The following TNFSF10 variants were observed in gnomAD, a reference collection of about 807,000 sequenced individuals.
The protein encoded by TNFSF10 is TNF superfamily member 10.
A neutral mutation model predicts 29.5 loss-of-function variants in TNFSF10; 13 were observed. That is an observed-to-expected ratio of 0.44 (90% CI 0.29 to 0.70). The LOEUF (loss-of-function observed/expected upper bound fraction) is 0.70. Ranked by LOEUF, TNFSF10 falls within the 30% of genes least tolerant of loss-of-function variation. The probability of loss-of-function intolerance (pLI) is 0.13; values close to 1 mark genes in which losing one functional copy is unlikely to be tolerated. For synonymous variants in TNFSF10, 111 were observed against 112.8 expected (o/e 0.98, Z 0.10); for missense variants, 345 against 330.9 (o/e 1.04, Z -0.33).
intron 1 of TNFSF10, chr3:172,522,174 GT>G: frequency 2.8e-6 from 1 of 362,066 alleles, no homozygotes; most frequent in Admixed American, 3.9e-5. Flanking sequence ...AAACCTGCAC[GT>G]TCTGTACACG....
intron 1 of TNFSF10, among the ~76,000 whole-genome samples, chr3:172,515,212 T>C (rs895184912): frequency 3.3e-5 from 5 of 151,916 alleles, no homozygotes; most frequent in Admixed American, 1.3e-4. Flanking sequence ...GTGGAAAGGA[T>C]GCAGGTGTGC....
chr3:172,521,168 G>A (rs989569047), intron 1 of TNFSF10, among the ~76,000 whole-genome samples: 1 of 152,118 alleles, frequency 6.6e-6, no homozygotes, highest in African/African-American at 2.4e-5. Context: ...AACACCAAAA[G>A]CAATTGCAAC....
chr3:172,509,818 A>G (rs1249676160), intron 3 of TNFSF10, among the ~76,000 whole-genome samples: 1 of 152,054 alleles, frequency 6.6e-6, no homozygotes, highest in African/African-American at 2.4e-5. Flanking sequence ...CTCTACTAAA[A>G]ATACAAAAAA....
At chr3:172,520,140 A>G (rs1713620520) in intron 1 of TNFSF10, among the ~76,000 whole-genome samples, 1 of 152,270 alleles carries the variant, frequency 6.6e-6, no homozygotes, top group Non-Finnish European at 1.5e-5. Context: ...ATTAAAATAT[A>G]TATTAGAAGT....
At chr3:172,514,735 G>A in intron 2 of TNFSF10, 126 bp downstream of exon 2, 1 of 1,300,840 alleles carries the variant, frequency 7.7e-7, no homozygotes, top group South Asian at 1.5e-5. Context: ...TAAATACTCT[G>A]GGCCTAAGTT....
rs1371482525 is a variant in TNFSF10, at chr3:172,506,098, T to C, written c.*394A>G. 2 of 162,156 alleles carry C rather than the reference T, an allele frequency of 1.2e-5. No homozygotes were observed. Among genetic ancestry groups the C allele is most frequent in the Non-Finnish European group, 2.7e-5 (2 of 74,996 alleles). The allele number at this position is 162,156 out of a possible 1,614,324, so 10.0% of individuals were successfully genotyped here. ...TTGTCCCTTAAGGAAACCTGGAGGC[T>C]ACTACTGTGATACACTACTTGAGAG... On this transcript the variant is annotated 3_prime_UTR_variant, in exon 5 of 5. Coordinates refer to ENST00000241261, the MANE Select transcript of TNFSF10 (RefSeq NM_003810.4).
rs140214406 is a variant in TNFSF10 at position 172,514,869 on chromosome 3, C to A, written c.262G>T (p.Val88Phe). The A allele has an allele frequency of 3.1e-6, 5 of 1,614,062 alleles. No individual in the cohort carries two copies. The highest frequency in any genetic ancestry group is 4.2e-6 in the Non-Finnish European group (5 of 1,180,008). Residue 88 changes from valine to phenylalanine, a missense_variant, in exon 2 of 5, where the codon GTT (valine) becomes TTT (phenylalanine). Val to Phe is a conservative substitution (Grantham distance 50, BLOSUM62 -1). Transcript: ENST00000241261. ...WQVKWQLRQL[V>F]RKMILRTSEE... Reference sequence around the variant, plus strand: ...CTGGTGAGGTTACCTACCTTTCTAACGAGCTGACGGAGTTGCCACTTGACT... The same window carrying A: ...CTGGTGAGGTTACCTACCTTTCTAAAGAGCTGACGGAGTTGCCACTTGACT...
chr3:172,518,268 C>T (rs1577014767), intron 1 of TNFSF10: 1 of 1,158,300 alleles, frequency 8.6e-7, no homozygotes, highest in Non-Finnish European at 1.1e-6. Flanking sequence ...TCCAGAAGCC[C>T]TTGGTTCTGA....
intron 1 of TNFSF10, 144 bp downstream of exon 1, chr3:172,523,109 G>A (rs996817030): frequency 2.9e-6 from 3 of 1,017,164 alleles, no homozygotes; most frequent in Non-Finnish European, 4.0e-6. Flanking sequence ...GACCTCAGTT[G>A]TTATGTGATT....
At chr3:172,518,293 T>C (rs1713525833) in intron 1 of TNFSF10, 1 of 1,179,814 alleles carries the variant, frequency 8.5e-7, no homozygotes, top group East Asian at 6.8e-5. Flanking sequence ...TGGATTTCCA[T>C]GGTGACTGCT....
chr3:172,512,648 A>G (rs1157986615), intron 2 of TNFSF10, among the ~76,000 whole-genome samples: 2 of 152,124 alleles, frequency 1.3e-5, no homozygotes, highest in African/African-American at 4.8e-5. Context: ...AGGAAACCAC[A>G]GCATTCTCTC....
chr3:172,508,666 G>A (rs1713092987), intron 4 of TNFSF10, among the ~76,000 whole-genome samples: 1 of 152,166 alleles, frequency 6.6e-6, no homozygotes. Flanking sequence ...GAGGTGGGCG[G>A]ATCACCTGAG....
chr3:172,522,768 T>G (rs934156714), intron 1 of TNFSF10, among the ~76,000 whole-genome samples: 1 of 152,250 alleles, frequency 6.6e-6, no homozygotes, highest in Non-Finnish European at 1.5e-5. Flanking sequence ...TCATTGTTAT[T>G]TTTTTCCATT....
intron 1 of TNFSF10, 85 bp from the exon 2 acceptor site, chr3:172,515,083 A>G: frequency 6.3e-7 from 1 of 1,578,162 alleles, no homozygotes; most frequent in Non-Finnish European, 8.6e-7. Flanking sequence ...ACAGAAACTG[A>G]TAGCAGACTT....
At position 172,506,871 on chromosome 3, in the gene TNFSF10, G is replaced by A; in HGVS notation, c.467C>T (p.Ser156Leu). ...ALGRKINSWE[S>L]SRSGHSFLSN... Reference sequence around the variant, plus strand: ...CAGGAATGAATGCCCACTCCTTGATGATTCCCAGGAGTTTATTTTGCGGCC... The same window carrying A: ...CAGGAATGAATGCCCACTCCTTGATAATTCCCAGGAGTTTATTTTGCGGCC... Residue 156 changes from serine (S) to leucine (L), a missense_variant, in exon 5 of 5, where the codon TCA (serine) becomes TTA (leucine). Physicochemically the swap from Ser to Leu is moderately radical, Grantham distance 145 (BLOSUM62 -2). Transcript: ENST00000241261. 1 of 1,613,902 alleles carries A rather than the reference G, an allele frequency of 6.2e-7. No individual in the cohort carries two copies.
chr3:172,513,035 T>C (rs1375950406), intron 2 of TNFSF10, among the ~76,000 whole-genome samples: 1 of 152,266 alleles, frequency 6.6e-6, no homozygotes, highest in East Asian at 1.9e-4. Context: ...GTTCAACTAA[T>C]GTGCCTGAAA....
chr3:172,512,677 T>A (rs1421332972), intron 2 of TNFSF10, among the ~76,000 whole-genome samples: 1 of 152,086 alleles, frequency 6.6e-6, no homozygotes, highest in East Asian at 1.9e-4. Flanking sequence ...GCCTCTCATT[T>A]CTCTCTGTGT....
chr3:172,518,100 C>G, intron 1 of TNFSF10: 1 of 1,012,334 alleles, frequency 9.9e-7, no homozygotes, highest in Non-Finnish European at 1.2e-6. Context: ...ATCCTTTCCA[C>G]TTCAAAATAT....
At chr3:172,517,808 A>G (rs868152604) in intron 1 of TNFSF10, 2 of 982,774 alleles carry the variant, frequency 2.0e-6, no homozygotes, top group South Asian at 4.7e-5. Context: ...AAAGGAAAAA[A>G]AGTACCCATA....
Sources: allele counts gnomAD v4.1 joint callset (sites outside exome capture counted in the v4.1 genomes callset), GRCh38; gene constraint gnomAD v4.1.1; transcripts MANE v1.5; gene names NCBI Gene and HGNC (gene_info 2026-07-23, HGNC 2026-07-21).